Variants in TMEM132C observed in about 807,000 individuals in gnomAD.
TMEM132C encodes transmembrane protein 132C.
A neutral mutation model predicts 61.4 loss-of-function variants in TMEM132C; 29 were observed. That is an observed-to-expected ratio of 0.47 (90% CI 0.35 to 0.64). The LOEUF (loss-of-function observed/expected upper bound fraction) is 0.64, where lower values mean the gene tolerates loss of function less well. Among genes scored for constraint, TMEM132C ranks in the 30% least tolerant of loss-of-function variants. The pLI, the probability that TMEM132C is intolerant of heterozygous loss-of-function variation, is 0.00. For missense variants in TMEM132C, 1,408 were observed against 1,476.9 expected (o/e 0.95, Z 0.76); for synonymous variants, 656 against 633.1 (o/e 1.04, Z -0.54).
chr12:128,361,471 G>A (rs1873706405), intron 1 of TMEM132C, among the ~76,000 whole-genome samples: 1 of 152,046 alleles, frequency 6.6e-6, no homozygotes, highest in Non-Finnish European at 1.5e-5. Flanking sequence ...ATTAGCCTCA[G>A]CAAGAACAGA....
At chr12:128,361,395 T>G (rs887686460) in intron 1 of TMEM132C, among the ~76,000 whole-genome samples, 12 of 152,278 alleles carry the variant, frequency 7.9e-5, no homozygotes. Flanking sequence ...TTTTCGTCTA[T>G]GTGGGGAATC....
chr12:128,354,464 T>A (rs934284593), intron 1 of TMEM132C, among the ~76,000 whole-genome samples: 2 of 151,774 alleles, frequency 1.3e-5, no homozygotes, highest in Non-Finnish European at 2.9e-5. Flanking sequence ...TTCTTTTCTT[T>A]CTTCCTTCCT....
intron 1 of TMEM132C, among the ~76,000 whole-genome samples, chr12:128,334,769 T>C (rs1872752586): frequency 6.6e-6 from 1 of 152,070 alleles, no homozygotes; most frequent in Non-Finnish European, 1.5e-5. Flanking sequence ...CTAATTTTTT[T>C]GTAGTTTTAG....
intron 4 of TMEM132C, among the ~76,000 whole-genome samples, chr12:128,666,499 G>C (rs1389043071): frequency 6.6e-6 from 1 of 152,136 alleles, no homozygotes; most frequent in Non-Finnish European, 1.5e-5. Context: ...AGACAGTCTA[G>C]GATTCAACAG....
chr12:128,334,143 G>C (rs1872735207), intron 1 of TMEM132C, among the ~76,000 whole-genome samples: 1 of 152,190 alleles, frequency 6.6e-6, no homozygotes, highest in Non-Finnish European at 1.5e-5. Context: ...TTCTAGATTT[G>C]AGAAGAGCTG....
chr12:128,684,265 G>A (rs1297898185), intron 5 of TMEM132C, among the ~76,000 whole-genome samples: 2 of 152,142 alleles, frequency 1.3e-5, no homozygotes, highest in African/African-American at 4.8e-5. Flanking sequence ...CATAGTAGGG[G>A]CACAGAAAGT....
chr12:128,671,839 CG>C (rs1954535535), intron 5 of TMEM132C, among the ~76,000 whole-genome samples: 1 of 152,216 alleles, frequency 6.6e-6, no homozygotes, highest in African/African-American at 2.4e-5. Context: ...CTAATTTACC[CG>C]GAAGTGATAT....
At chr12:128,340,839 CTCTT>C (rs745596993) in intron 1 of TMEM132C, among the ~76,000 whole-genome samples, 159 of 127,536 alleles carry the variant, frequency 1.2e-3, no homozygotes, top group Non-Finnish European at 1.8e-3. Context: ...TTCTCTCTCT[CTCTT>C]TCTCTCTTTC....
At chr12:128,516,666 C>T (rs1872729638) in intron 2 of TMEM132C, among the ~76,000 whole-genome samples, 2 of 151,900 alleles carry the variant, frequency 1.3e-5, no homozygotes, top group Admixed American at 1.3e-4. Flanking sequence ...AATCCCTACA[C>T]TTTGTGAAGC....
At chr12:128,592,056 AAAG>A (rs1195695239) in intron 3 of TMEM132C, among the ~76,000 whole-genome samples, 2 of 104,776 alleles carry the variant, frequency 1.9e-5, no homozygotes, top group East Asian at 3.2e-4. Context: ...AAAAAAAAAA[AAAG>A]AAAAAAAAAA....
intron 2 of TMEM132C, among the ~76,000 whole-genome samples, chr12:128,538,128 G>GTAT (rs35582643): frequency 0.48 from 72,935 of 151,320 alleles, 20,477 homozygotes; most frequent in Non-Finnish European, 0.64. Context: ...GGTAGTAGTA[G>GTAT]TAGTATTTTG....
At chr12:128,267,594 C>A in intron 1 of TMEM132C, 107 bp downstream of exon 1, 2 of 914,798 alleles carry the variant, frequency 2.2e-6, no homozygotes, top group Non-Finnish European at 2.8e-6. Context: ...GGGGCCTCGG[C>A]GGGGGCTCGG....
At chr12:128,542,130 G>GA (rs934690533) in intron 2 of TMEM132C, among the ~76,000 whole-genome samples, 31 of 152,178 alleles carry the variant, frequency 2.0e-4, no homozygotes, top group Middle Eastern at 3.4e-3. Context: ...TGAGTCTGGG[G>GA]GGCTCTTTGG....
chr12:128,702,649 C>T (rs1954812145), intron 8 of TMEM132C, among the ~76,000 whole-genome samples: 1 of 152,220 alleles, frequency 6.6e-6, no homozygotes, highest in Non-Finnish European at 1.5e-5. Context: ...TGCATTTGCA[C>T]AGGTCCAACT....
At chr12:128,270,483 A>G (rs957555830) in intron 1 of TMEM132C, among the ~76,000 whole-genome samples, 2 of 152,168 alleles carry the variant, frequency 1.3e-5, no homozygotes, top group Admixed American at 1.3e-4. Context: ...CACGGAATGA[A>G]TTAAATACAA....
Position 128,267,448 on chromosome 12 carries a change from G to C in TMEM132C, c.46G>C (p.Gly16Arg). The stretch of plus-strand genomic sequence containing the variant: ...CCCCGGGCCGGCGGCGCCGCTGTGC[G>C]GGGCGCTGAGCCTGCTGCTGGGCGC... ...AAPGPAAPLC[G>R]ALSLLLGALL... The change falls in exon 1 of 9, where the codon GGG (glycine) becomes CGG (arginine). Residue 16 changes from glycine to arginine, a missense_variant. Physicochemically the swap from Gly to Arg is moderately radical, Grantham distance 125 (BLOSUM62 -2). Coordinates refer to ENST00000435159, the MANE Select transcript of TMEM132C (RefSeq NM_001136103.3). 1 of 1,265,048 alleles carries C rather than the reference G, an allele frequency of 7.9e-7. No homozygotes were observed. The highest frequency in any genetic ancestry group is 3.2e-5 in the East Asian group (1 of 31,320). 78.4% of individuals were successfully genotyped at this position (1,265,048 alleles called of 1,614,324 possible).
chr12:128,316,520 T>C (rs974577329), intron 1 of TMEM132C, among the ~76,000 whole-genome samples: 5 of 152,162 alleles, frequency 3.3e-5, no homozygotes, highest in Non-Finnish European at 5.9e-5. Flanking sequence ...TGTGAAATCT[T>C]TGGTGGAAAC....
At chr12:128,287,724 T>A (rs748227852) in intron 1 of TMEM132C, among the ~76,000 whole-genome samples, 21 of 152,252 alleles carry the variant, frequency 1.4e-4, no homozygotes, top group African/African-American at 5.1e-4. Context: ...ATTCCATTAC[T>A]GTTATTTAAA....
chr12:128,543,118 C>T (rs568007718), intron 2 of TMEM132C, among the ~76,000 whole-genome samples: 24 of 152,236 alleles, frequency 1.6e-4, no homozygotes, highest in Admixed American at 3.3e-4. Context: ...AGCTCTTTGC[C>T]TTTTTGTTGC....
Sources: gnomAD v4.1 joint callset for allele counts (sites outside exome capture counted in the v4.1 genomes callset) on GRCh38, gnomAD v4.1.1 for gene constraint, MANE v1.5 for transcripts, NCBI Gene and HGNC (gene_info 2026-07-23, HGNC 2026-07-21) for gene names.